SALL1: variants seen among roughly 807,000 people sequenced by gnomAD.
SALL1 encodes spalt like transcription factor 1.
Under a neutral mutation model 73.1 loss-of-function variants are expected in SALL1, and 10 were observed. The ratio of observed to expected loss-of-function variants is 0.14; its 90% CI spans 0.08 to 0.23. The LOEUF (loss-of-function observed/expected upper bound fraction) is 0.23, where lower values mean the gene tolerates loss of function less well. SALL1 is among the 10% of genes least tolerant of loss of function. The pLI, the probability that SALL1 is intolerant of heterozygous loss-of-function variation, is 1.00. For synonymous variants in SALL1, 688 were observed against 689.8 expected (o/e 1.00, Z 0.04); for missense variants, 1,520 against 1,697.3 (o/e 0.90, Z 1.84).
intron 1 of SALL1, chr16:51,143,318 C>A: frequency 2.4e-6 from 1 of 416,108 alleles, no homozygotes; most frequent in South Asian, 1.8e-5. Context: ...AGCTAACATC[C>A]TATTCAAAGA....
At position 51,139,691 on chromosome 16, in the gene SALL1, G is replaced by A; in HGVS notation, c.2531C>T (p.Ala844Val). 6.2e-7 allele frequency: 1 copy of A among 1,614,238 alleles called. No homozygotes were observed. Among genetic ancestry groups the A allele is most frequent in the Non-Finnish European group, 8.5e-7 (1 of 1,180,026 alleles). The change falls in exon 2 of 3, where the codon GCA (alanine) becomes GTA (valine). Residue 844 changes from alanine (A) to valine (V), a missense_variant. Around this residue, in one of 7 missense-constraint regions of SALL1, gnomAD observed 266 missense variants for 275.1 expected, o/e 0.97. Transcript: ENST00000251020. Reference protein sequence around the residue: ...EGSIPDTPKSADASQDSLSSS... With the variant: ...EGSIPDTPKSVDASQDSLSSS... Reference sequence around the variant, plus strand: ...GGATAAGCTGTCTTGGGAGGCGTCTGCAGACTTAGGTGTATCAGGGATGCT... The same window carrying A: ...GGATAAGCTGTCTTGGGAGGCGTCTACAGACTTAGGTGTATCAGGGATGCT...
Position 51,140,908 on chromosome 16 carries a change from C to G in SALL1, c.1314G>C (p.Ala438=). The change falls in exon 2 of 3, where the codon GCG becomes GCC. Residue 438 remains alanine, a synonymous_variant. Transcript: ENST00000251020. The surrounding 1 kb of genome is among the most constrained non-coding windows in gnomAD (Gnocchi z 5.7). ...SKPPNVTAFE[A]KSTSDEAFFK... Reference sequence around the variant, plus strand: ...AGAATGCCTCATCGGAAGTACTTTTCGCTTCAAAGGCAGTGACATTTGGTG... The same window carrying G: ...AGAATGCCTCATCGGAAGTACTTTTGGCTTCAAAGGCAGTGACATTTGGTG... The G allele has an allele frequency of 1.2e-6, 2 of 1,614,202 alleles. No homozygotes were observed. The highest frequency in any genetic ancestry group is 1.7e-6 in the Non-Finnish European group (2 of 1,180,048).
rs1202506334 is a variant in SALL1 at position 51,136,729 on chromosome 16, C to T, written c.*383G>A. 2.8e-5 allele frequency: 8 copies of T among 285,386 alleles called. No homozygotes were observed. The highest frequency in any genetic ancestry group is 1.8e-4 in the African/African-American group (8 of 45,694). The allele number at this position is 285,386 out of a possible 1,614,324, so 17.7% of individuals were successfully genotyped here. ...GATCTAATGCATCACTGAGGCATTG[C>T]ATCAACACCAGATTCATATTAAACT... On this transcript the variant is annotated 3_prime_UTR_variant, in exon 3 of 3. Coordinates refer to ENST00000251020, the MANE Select transcript of SALL1 (RefSeq NM_002968.3).
At chr16:51,151,125 G>A (rs1962594974) in intron 1 of SALL1, 41 bp downstream of exon 1, 1 of 1,507,404 alleles carries the variant, frequency 6.6e-7, no homozygotes, top group Non-Finnish European at 9.0e-7. Context: ...GTGAGTGTGA[G>A]TGCGTGTGTG....
chr16:51,149,335 C>CT (rs1962562207), intron 1 of SALL1: 1 of 152,094 alleles, frequency 6.6e-6, no homozygotes, highest in Admixed American at 6.5e-5. Flanking sequence ...CTCTAGTTTG[C>CT]TTTTTTGTGT....
upstream of SALL1, among the ~76,000 whole-genome samples, chr16:51,151,824 G>A (rs1162726364): frequency 2.6e-5 from 4 of 151,322 alleles, no homozygotes; most frequent in Non-Finnish European, 4.4e-5. Context: ...GTGGGGGGTG[G>A]GGCCGGGCGG....
intron 1 of SALL1, 38 bp downstream of exon 1, chr16:51,151,128 C>CGTGT (rs200502187): frequency 6.8e-7 from 1 of 1,474,948 alleles, no homozygotes; most frequent in African/African-American, 1.4e-5. Context: ...AGTGTGAGTG[C>CGTGT]GTGTGTGTGT....
rs148931484 is a variant in SALL1 at position 51,138,900 on chromosome 16, C to G, written c.3322G>C (p.Val1108Leu). 5.3e-5 allele frequency: 85 copies of G among 1,614,132 alleles called. No individual in the cohort carries two copies. The African/African-American group carries it at 1.0e-3, about 19-fold the overall frequency. ...GAGGAAGACAGAGGCCCAGACGGGA[C>G]GTGACTGGTGGGGGTGTCCTTACTG... Reference protein sequence around the residue: ...QDSKDTPTSHVPSGPLSSSAT... With the variant: ...QDSKDTPTSHLPSGPLSSSAT... Residue 1108 changes from valine to leucine, a missense_variant, in exon 2 of 3, where the codon GTC becomes CTC. Coordinates refer to ENST00000251020, the MANE Select transcript of SALL1 (RefSeq NM_002968.3).
chr16:51,145,979 C>CTTTTTTTTTTTTTTTTTTTTTTTTT (rs372735955), intron 1 of SALL1, among the ~76,000 whole-genome samples: 1 of 128,892 alleles, frequency 7.8e-6, no homozygotes, highest in African/African-American at 2.8e-5. Context: ...ATTGATTGGT[C>CTTTTTTTTTTTTTTTTTTTTTTTTT]TTTTTTTTTT....
In SALL1 at chr16:51,142,032, T is replaced by A; in HGVS notation, c.190A>T (p.Asn64Tyr). The A allele has an allele frequency of 1.2e-6, 2 of 1,614,068 alleles. No individual in the cohort carries two copies. The highest frequency in any genetic ancestry group is 4.5e-5 in the East Asian group (2 of 44,888). The change falls in exon 2 of 3, where the codon AAC (asparagine) becomes TAC (tyrosine). Residue 64 changes from asparagine to tyrosine, a missense_variant. Around this residue, in one of 7 missense-constraint regions of SALL1, gnomAD observed 540 missense variants for 567.5 expected, o/e 0.95. Coordinates refer to ENST00000251020, the MANE Select transcript of SALL1 (RefSeq NM_002968.3). ...ELSDLLLHKK[N>Y]CTKNQLVLIV... ...AAAACTAATTGATTTTTAGTACAGT[T>A]CTTCTTGTGGAGCAGAAGATCTGAT...
In SALL1 at chr16:51,151,200, G is replaced by T; in HGVS notation, c.42C>A (p.Ser14=). 1 of 1,601,980 alleles carries T rather than the reference G, an allele frequency of 6.2e-7. No individual in the cohort carries two copies. Among genetic ancestry groups the T allele is most frequent in the Non-Finnish European group, 8.5e-7 (1 of 1,175,588 alleles). ...GGGGGAGCGAGGCCACTTCGGGGTC[G>T]GATTGGAAATGTTGAGGCTTCGCTT... The part of the protein sequence containing the change: ...RKQAKPQHFQ[S]DPEVASLPRR... Residue 14 remains serine (S), a synonymous_variant, in exon 1 of 3, where the codon TCC becomes TCA. Coordinates refer to ENST00000251020, the MANE Select transcript of SALL1 (RefSeq NM_002968.3).
chr16:51,139,932 C>G lies in SALL1; in HGVS notation c.2290G>C (p.Val764Leu). ...SVHRAMPPLR[V>L]QHSCPICQKK... ...TGGCAGATGGGGCAGGAATGCTGGA[C>G]TCTGAGCGGGGGCATAGCACGATGG... is the stretch of plus-strand genomic sequence containing the variant. The change falls in exon 2 of 3, where the codon GTC (valine) becomes CTC (leucine). Residue 764 changes from valine (V) to leucine (L), a missense_variant. This residue lies in a region of SALL1 where 77 missense variants were observed against 117.2 expected (regional missense o/e 0.66). Transcript: ENST00000251020. 1 of 1,614,160 alleles carries G rather than the reference C, an allele frequency of 6.2e-7. No homozygotes were observed. The highest frequency in any genetic ancestry group is 8.5e-7 in the Non-Finnish European group (1 of 1,180,034).
In SALL1 at chr16:51,140,522, A is replaced by G. The variant is rs779018518; in HGVS notation, c.1700T>C (p.Ile567Thr). Residue 567 changes from isoleucine to threonine, a missense_variant, in exon 2 of 3, where the codon ATA becomes ACA. Ile to Thr is a moderately conservative substitution (Grantham distance 89). Coordinates refer to ENST00000251020, the MANE Select transcript of SALL1 (RefSeq NM_002968.3). This position sits in a 1 kb window ranked among gnomAD's most constrained non-coding sequence, Gnocchi z 5.7. ...LPLPPTLPSL[I>T]PFIKTEEPAP... ...TGGCTCTTCCGTCTTGATGAAGGGT[A>G]TGAGGCTTGGGAGGGTTGGGGGCAA... 13 of 1,613,744 alleles carry G rather than the reference A, an allele frequency of 8.1e-6. No homozygotes were observed. The highest frequency in any genetic ancestry group is 8.5e-6 in the Non-Finnish European group (10 of 1,179,924).
In SALL1 at chr16:51,138,414, C is replaced by G. The variant is rs72789959; in HGVS notation, c.3534+274G>C. Among the ~76,000 whole-genome samples the G allele has an allele frequency of 0.11, 16,039 of 152,162 alleles. 1,079 individuals are homozygous for G. Among genetic ancestry groups the G allele is most frequent in the East Asian group, 0.22 (1,158 of 5,154 alleles). On this transcript the variant is annotated intron_variant, in intron 2 of 2. Coordinates refer to ENST00000251020, the MANE Select transcript of SALL1 (RefSeq NM_002968.3). ...TCATTTGGTGCACTTAGCGAGACAA[C>G]AGAGAGAGGCCGCTGCTTCGCTTAG...
intron 1 of SALL1, among the ~76,000 whole-genome samples, chr16:51,144,982 A>C (rs1328539611): frequency 6.6e-6 from 1 of 152,044 alleles, no homozygotes; most frequent in African/African-American, 2.4e-5. Context: ...CACATCCCCA[A>C]AATACTGGTA....
At chr16:51,151,985 C>G (rs1962626480), upstream of SALL1, 1 of 150,820 alleles carries the variant, frequency 6.6e-6, no homozygotes, top group Non-Finnish European at 1.5e-5. Flanking sequence ...TTAAGAGCTA[C>G]CAGAAAGCAG....
chr16:51,145,215 CAT>C (rs907128733), intron 1 of SALL1, among the ~76,000 whole-genome samples: 5 of 46,346 alleles, frequency 1.1e-4, no homozygotes, highest in Admixed American at 3.5e-4. Context: ...CTCACACACA[CAT>C]ACACACACAC....
Position 51,137,410 on chromosome 16 carries a change from C to T in SALL1, c.3677G>A (p.Gly1226Glu), listed in dbSNP as rs1176615487. The change falls in exon 3 of 3, where the codon GGA (glycine) becomes GAA (glutamate). Residue 1226 changes from glycine (G) to glutamate (E), a missense_variant. By Grantham distance (98) the Gly-to-Glu change is moderately conservative. Coordinates refer to ENST00000251020, the MANE Select transcript of SALL1 (RefSeq NM_002968.3). ...CCAGAAGCTGGAAGGATCCCCACTT[C>T]CTGATCTTGCCGCCAAATCCTTCTG... ...MFQKDLAARSGSGDPSSFWNQ... is the reference protein window; with the variant it reads ...MFQKDLAARSESGDPSSFWNQ... 1 of 1,614,030 alleles carries T rather than the reference C, an allele frequency of 6.2e-7. No homozygotes were observed. The highest frequency in any genetic ancestry group is 1.3e-5 in the African/African-American group (1 of 74,910).
rs1455978439 is a variant in SALL1 at position 51,142,113 on chromosome 16, T to C, written c.109A>G (p.Thr37Ala). 6.2e-7 allele frequency: 1 copy of C among 1,613,426 alleles called. No individual in the cohort carries two copies. Among genetic ancestry groups the C allele is most frequent in the African/African-American group, 1.3e-5 (1 of 74,854 alleles). ...CAGACGTGGGCATCCTTGCTCTTAGTAGGGCGACTCGGTTGACCCTTTTCT... is the reference window on the plus strand; with the variant it reads ...CAGACGTGGGCATCCTTGCTCTTAGCAGGGCGACTCGGTTGACCCTTTTCT... ...DTEKGQPSRP[T>A]KSKDAHVCGR... is the part of the protein sequence containing the mutation. Residue 37 changes from threonine (T) to alanine (A), a missense_variant, in exon 2 of 3, where the codon ACT becomes GCT. By Grantham distance (58) the Thr-to-Ala change is moderately conservative. This residue lies in a region of SALL1 where 540 missense variants were observed against 567.5 expected (regional missense o/e 0.95). Transcript: ENST00000251020.
Sources: allele counts gnomAD v4.1 joint callset (sites outside exome capture counted in the v4.1 genomes callset), GRCh38; gene constraint gnomAD v4.1.1; regional missense constraint gnomAD v4.1.1; non-coding constraint Gnocchi (gnomAD v3.1); transcripts MANE v1.5; gene names NCBI Gene and HGNC (gene_info 2026-07-23, HGNC 2026-07-21).